EPM2A: variants seen among roughly 807,000 people sequenced by gnomAD.
The protein encoded by EPM2A is laforin.
In EPM2A, 21 loss-of-function variants were observed where a neutral mutation model predicts 26.5. The observed-to-expected ratio is 0.79, with a 90% CI of 0.56 to 1.14. The LOEUF (loss-of-function observed/expected upper bound fraction) is 1.14. Among genes scored for constraint, EPM2A ranks in the 50% most tolerant of loss-of-function variants. The probability of loss-of-function intolerance (pLI) is 0.00; values close to 1 mark genes in which losing one functional copy is unlikely to be tolerated. For synonymous variants in EPM2A, 217 were observed against 177.6 expected (o/e 1.22, Z -1.76); for missense variants, 458 against 440.8 (o/e 1.04, Z -0.35).
intron 2 of EPM2A, among the ~76,000 whole-genome samples, chr6:145,558,330 A>G (rs1451420399): frequency 6.6e-6 from 1 of 152,042 alleles, no homozygotes; most frequent in East Asian, 1.9e-4. Flanking sequence ...AATCTCGGGT[A>G]TGTGTTTATC....
chr6:145,524,090 C>T (rs1030927633), intron 2 of EPM2A, among the ~76,000 whole-genome samples: 1 of 152,198 alleles, frequency 6.6e-6, no homozygotes, highest in African/African-American at 2.4e-5. Context: ...TGGCCTCCAG[C>T]TACACCCATG....
chr6:145,449,733 G>A (rs1262760341), intron 4 of EPM2A, among the ~76,000 whole-genome samples: 1 of 152,106 alleles, frequency 6.6e-6, no homozygotes, highest in Non-Finnish European at 1.5e-5. Context: ...CTAAATTTCA[G>A]ATTTTCAATG....
At chr6:145,456,238 C>G (rs1377614731) in intron 4 of EPM2A, among the ~76,000 whole-genome samples, 1 of 152,118 alleles carries the variant, frequency 6.6e-6, no homozygotes, top group Non-Finnish European at 1.5e-5. Context: ...GAAAATAAAA[C>G]AAAGTATAAT....
At chr6:145,395,731 G>C (rs1778396471) in intron 4 of EPM2A, among the ~76,000 whole-genome samples, 1 of 152,076 alleles carries the variant, frequency 6.6e-6, no homozygotes, top group Non-Finnish European at 1.5e-5. Flanking sequence ...TGACTATACT[G>C]CTTTTATAGA....
chr6:145,618,802 T>C (rs1775569866), intron 2 of EPM2A, among the ~76,000 whole-genome samples: 1 of 152,212 alleles, frequency 6.6e-6, no homozygotes, highest in Admixed American at 6.5e-5. Context: ...AAGGATTTTT[T>C]ACTTTTTTCT....
intron 1 of EPM2A, among the ~76,000 whole-genome samples, chr6:145,689,070 A>G (rs1387124943): frequency 2.0e-5 from 3 of 152,252 alleles, no homozygotes; most frequent in Non-Finnish European, 2.9e-5. Flanking sequence ...TTCATAAATT[A>G]CAATGGTCAA....
chr6:145,533,495 C>T (rs1780390057), intron 2 of EPM2A, among the ~76,000 whole-genome samples: 1 of 152,186 alleles, frequency 6.6e-6, no homozygotes, highest in Non-Finnish European at 1.5e-5. Context: ...TTGCCAAGAA[C>T]TAAAAATCCC....
intron 4 of EPM2A, among the ~76,000 whole-genome samples, chr6:145,438,839 A>G (rs1298711350): frequency 6.6e-6 from 1 of 152,170 alleles, no homozygotes; most frequent in African/African-American, 2.4e-5. Flanking sequence ...CAGATTTGTT[A>G]TAGAGGTAAA....
At chr6:145,424,526 G>T (rs1778827940) in intron 4 of EPM2A, among the ~76,000 whole-genome samples, 1 of 152,184 alleles carries the variant, frequency 6.6e-6, no homozygotes, top group Admixed American at 6.5e-5. Flanking sequence ...GTGTATATCT[G>T]TGTAAAAGTG....
intron 2 of EPM2A, among the ~76,000 whole-genome samples, chr6:145,614,784 A>T (rs1775469446): frequency 6.6e-6 from 1 of 152,194 alleles, no homozygotes; most frequent in Non-Finnish European, 1.5e-5. Context: ...CCAACATCAA[A>T]CATCACAGAT....
At chr6:145,513,840 T>C (rs559727432) in intron 2 of EPM2A, among the ~76,000 whole-genome samples, 1 of 152,348 alleles carries the variant, frequency 6.6e-6, no homozygotes, top group Non-Finnish European at 1.5e-5. Context: ...AACTCTCTAA[T>C]GACCTTACTG....
intron 1 of EPM2A, chr6:145,734,922 T>C: frequency 8.6e-6 from 2 of 232,024 alleles, no homozygotes; most frequent in Non-Finnish European, 1.7e-5. Flanking sequence ...GGAAACCAGG[T>C]CAGAGGGGCA....
intron 4 of EPM2A, among the ~76,000 whole-genome samples, chr6:145,442,428 GA>G (rs1409388012): frequency 6.6e-6 from 1 of 152,170 alleles, no homozygotes; most frequent in African/African-American, 2.4e-5. Context: ...AATCATGGTG[GA>G]AGGTGCAAAG....
At chr6:145,408,352 T>C (rs1453798527) in intron 4 of EPM2A, among the ~76,000 whole-genome samples, 1 of 152,184 alleles carries the variant, frequency 6.6e-6, no homozygotes, top group Non-Finnish European at 1.5e-5. Context: ...TTATGGGCCA[T>C]GTGTGGGAGA....
At chr6:145,616,038 G>A (rs1307033970) in intron 2 of EPM2A, among the ~76,000 whole-genome samples, 1 of 152,198 alleles carries the variant, frequency 6.6e-6, no homozygotes, top group Non-Finnish European at 1.5e-5. Context: ...TAAGTAATGA[G>A]GAACCAAATG....
intron 4 of EPM2A, among the ~76,000 whole-genome samples, chr6:145,447,448 T>C (rs1028249545): frequency 2.0e-5 from 3 of 152,126 alleles, no homozygotes; most frequent in Non-Finnish European, 4.4e-5. Flanking sequence ...TTTTTTACTA[T>C]ATACATCTGC....
At chr6:145,692,803 T>C (rs1312233839) in intron 1 of EPM2A, among the ~76,000 whole-genome samples, 1 of 152,120 alleles carries the variant, frequency 6.6e-6, no homozygotes, top group African/African-American at 2.4e-5. Context: ...TACCATACTG[T>C]TTTGGTTACA....
intron 4 of EPM2A, among the ~76,000 whole-genome samples, chr6:145,455,647 G>A (rs138744695): frequency 1.1e-4 from 17 of 152,212 alleles, no homozygotes; most frequent in Admixed American, 2.0e-4. Flanking sequence ...GTGAGCCACC[G>A]CATCCGGCAA....
rs1779984013 is a variant in EPM2A at position 145,506,925 on chromosome 6, G to C, written c.341-4350C>G. On this transcript the variant is annotated intron_variant, in intron 2 of 3. Coordinates refer to the EPM2A transcript ENST00000450221. The stretch of plus-strand genomic sequence containing the variant: ...GCAAATAGGGTCCAGGATGCTTGCT[G>C]TGAACACCATGGAGAGCATCTAGGC... 2.0e-5 allele frequency among the ~76,000 whole-genome samples: 3 copies of C among 152,180 alleles called. No homozygotes were observed. The South Asian group carries it at 6.2e-4, about 32-fold the overall frequency.
Sources: allele counts gnomAD v4.1 joint callset (sites outside exome capture counted in the v4.1 genomes callset), GRCh38; gene constraint gnomAD v4.1.1; transcripts MANE v1.5; gene names NCBI Gene and HGNC (gene_info 2026-07-23, HGNC 2026-07-21).